The following HIP1 variants were observed in gnomAD, a reference collection of about 807,000 sequenced individuals.
The protein encoded by HIP1 is huntingtin-interacting protein 1.
A neutral mutation model predicts 147.6 loss-of-function variants in HIP1; 65 were observed. The observed-to-expected ratio is 0.44, with a 90% CI of 0.36 to 0.54. The LOEUF (loss-of-function observed/expected upper bound fraction) is 0.54. Among genes scored for constraint, HIP1 ranks in the 20% least tolerant of loss-of-function variants. HIP1 has a pLI of 0.00. For synonymous variants in HIP1, 479 were observed against 504.0 expected (o/e 0.95, Z 0.67); for missense variants, 1,061 against 1,299.6 (o/e 0.82, Z 2.82).
chr7:75,573,246 C>T (rs953986131), intron 8 of HIP1, among the ~76,000 whole-genome samples: 10 of 152,110 alleles, frequency 6.6e-5, no homozygotes, highest in African/African-American at 2.4e-4. Flanking sequence ...GCTTCAGAGA[C>T]CTGCAGAGAT....
Position 75,553,447 on chromosome 7 carries a change from A to C in HIP1, c.2295+6T>G. 6.2e-7 allele frequency: 1 copy of C among 1,613,624 alleles called. No homozygotes were observed. The highest frequency in any genetic ancestry group is 1.7e-5 in the Admixed American group (1 of 60,006). On this transcript the variant is annotated splice_donor_region_variant and intron_variant, in intron 22 of 30. Coordinates refer to ENST00000336926, the MANE Select transcript of HIP1 (RefSeq NM_005338.7). ...CAATGCTCCTCAATGATACTACTCC[A>C]AGTACCTCGCCGATGGCCTTGATCT... is the stretch of plus-strand genomic sequence containing the variant.
intron 1 of HIP1, among the ~76,000 whole-genome samples, chr7:75,684,413 A>C (rs543050842): frequency 1.4e-5 from 2 of 143,222 alleles, no homozygotes; most frequent in East Asian, 4.1e-4. Flanking sequence ...GCATCACTGC[A>C]CTCCAGCCTG....
intron 1 of HIP1, among the ~76,000 whole-genome samples, chr7:75,734,799 T>C (rs4728351): frequency 0.7 from 106,992 of 152,100 alleles, 38,311 homozygotes; most frequent in African/African-American, 0.83. Context: ...TATGTTCTTC[T>C]GTCACTGGAA....
At chr7:75,670,716 C>A (rs1554515191) in intron 1 of HIP1, among the ~76,000 whole-genome samples, 1 of 151,628 alleles carries the variant, frequency 6.6e-6, no homozygotes, top group African/African-American at 2.4e-5. Context: ...TGGGCTCAAG[C>A]AATCTTCCCA....
At chr7:75,624,451 A>T (rs190450223) in intron 1 of HIP1, among the ~76,000 whole-genome samples, 1 of 152,124 alleles carries the variant, frequency 6.6e-6, no homozygotes, top group African/African-American at 2.4e-5. Flanking sequence ...AAAAAGAGCT[A>T]TGAGATTCAG....
chr7:75,607,159 A>C (rs1230689318), intron 1 of HIP1, among the ~76,000 whole-genome samples: 1 of 151,470 alleles, frequency 6.6e-6, no homozygotes, highest in East Asian at 1.9e-4. Flanking sequence ...ACTTGAGGCC[A>C]GGAGTTTCAG....
At chr7:75,725,824 A>ACTT in intron 1 of HIP1, among the ~76,000 whole-genome samples, 1 of 136,536 alleles carries the variant, frequency 7.3e-6, no homozygotes, top group Admixed American at 7.7e-5. Context: ...TGTGCTATGC[A>ACTT]TTTTTTTTTT....
At chr7:75,595,238 T>TCC (rs1584853646) in intron 2 of HIP1, among the ~76,000 whole-genome samples, 96 of 116,294 alleles carry the variant, frequency 8.3e-4, no homozygotes, top group East Asian at 3.2e-3. Context: ...CTTTCTTTCT[T>TCC]TCTTTCTTTC....
intron 5 of HIP1, among the ~76,000 whole-genome samples, chr7:75,583,418 T>C (rs894844786): frequency 6.6e-6 from 1 of 152,130 alleles, no homozygotes; most frequent in African/African-American, 2.4e-5. Context: ...CGGGCAGTTA[T>C]AACAAGATAC....
intron 1 of HIP1, among the ~76,000 whole-genome samples, chr7:75,637,003 AG>A (rs2117145607): frequency 6.6e-6 from 1 of 152,194 alleles, no homozygotes; most frequent in South Asian, 2.1e-4. Context: ...CCAACCTCCA[AG>A]GGCCAACTGA....
Position 75,611,844 on chromosome 7 carries a change from C to T in HIP1, c.121-12597G>A, listed in dbSNP as rs1039108801. 9.8e-6 allele frequency: 10 copies of T among 1,024,864 alleles called. No homozygotes were observed. In the African/African-American group the frequency reaches 1.4e-4, roughly 14 times the overall value. The allele number at this position is 1,024,864 out of a possible 1,614,324, so 63.5% of individuals were successfully genotyped here. ...CGGCTGGTTCCGGAGAGCCAATTAC[C>T]AGCAGGCACCGCAGGAAGGGCGCCT... On this transcript the variant is annotated intron_variant, in intron 1 of 30. Transcript: ENST00000336926.
In HIP1 at chr7:75,689,303, C is replaced by T. The variant is rs140576963; in HGVS notation, c.120+49498G>A. Among the ~76,000 whole-genome samples, 818 of 152,158 alleles carry T rather than the reference C, an allele frequency of 5.4e-3. 12 individuals are homozygous for T. Among genetic ancestry groups the T allele is most frequent in the African/African-American group, 0.018 (758 of 41,512 alleles). On this transcript the variant is annotated intron_variant, in intron 1 of 30. Coordinates refer to ENST00000336926, the MANE Select transcript of HIP1 (RefSeq NM_005338.7). ...GGAGGATCACTTGAGGTCAGGAATT[C>T]GAGACCCGCCTGGCCAACATGGTGA... is the stretch of plus-strand genomic sequence containing the variant.
chr7:75,563,097 CA>C lies in HIP1; in HGVS notation c.880-23del, dbSNP rs782199330. On this transcript the variant is annotated intron_variant, in intron 10 of 30. Transcript: ENST00000336926. Reference sequence around the variant, plus strand: ...GGTTCTGAAGACGGAGACACATCCTCAAATAGTGCTTGCTTGCCAGGCCCCG... The same window carrying C: ...GGTTCTGAAGACGGAGACACATCCTCAATAGTGCTTGCTTGCCAGGCCCCG... 1.9e-5 allele frequency: 30 copies of C among 1,614,018 alleles called. 1 individual carries two copies. The highest frequency in any genetic ancestry group is 1.6e-4 in the Middle Eastern group (1 of 6,084).
rs557022064 is a variant in HIP1, at chr7:75,720,133, G to A, written c.120+18668C>T. ...TTTATGCACTGGCTACAGGTTTCAA[G>A]TTTTTTGTTTTGTTTTGTTTTTGTT... On this transcript the variant is annotated intron_variant, in intron 1 of 30. Coordinates refer to ENST00000336926, the MANE Select transcript of HIP1 (RefSeq NM_005338.7). Among the ~76,000 whole-genome samples, 182 of 151,976 alleles carry A rather than the reference G, an allele frequency of 1.2e-3. 7 individuals carry two copies. In the South Asian group the frequency reaches 0.037, roughly 31 times the overall value.
At chr7:75,710,595 C>G (rs993119435) in intron 1 of HIP1, among the ~76,000 whole-genome samples, 1 of 152,002 alleles carries the variant, frequency 6.6e-6, no homozygotes, top group Admixed American at 6.6e-5. Context: ...TAGTTCTAAA[C>G]GATCTTGTAA....
chr7:75,547,595 C>A (rs1314816630), intron 24 of HIP1, among the ~76,000 whole-genome samples, 160 bp downstream of exon 24: 2 of 152,086 alleles, frequency 1.3e-5, no homozygotes, highest in African/African-American at 4.8e-5. Flanking sequence ...AGCAATATTG[C>A]TGTCATCATT....
chr7:75,556,220 T>C, intron 17 of HIP1, 51 bp from the exon 18 acceptor site: 1 of 1,593,312 alleles, frequency 6.3e-7, no homozygotes, highest in Non-Finnish European at 8.5e-7. Flanking sequence ...AGTTAAACAG[T>C]CCCTACTTCC....
In HIP1 at chr7:75,719,436, G is replaced by A. The variant is rs1016033000; in HGVS notation, c.120+19365C>T. ...GGAGAATGGCGGGAACCCGGAAGGT[G>A]GAGTTTGTAGTGAACCGAGATCATG... On this transcript the variant is annotated intron_variant, in intron 1 of 30. Coordinates refer to ENST00000336926, the MANE Select transcript of HIP1 (RefSeq NM_005338.7). Among the ~76,000 whole-genome samples the A allele has an allele frequency of 1.7e-4, 26 of 151,842 alleles. 1 individual carries two copies. In the South Asian group the frequency reaches 5.4e-3, roughly 32 times the overall value.
chr7:75,698,626 T>C (rs1800711970), intron 1 of HIP1, among the ~76,000 whole-genome samples: 1 of 152,050 alleles, frequency 6.6e-6, no homozygotes, highest in Non-Finnish European at 1.5e-5. Flanking sequence ...GAGGCCAGCC[T>C]GGGCAACATA....
Sources: allele counts gnomAD v4.1 joint callset (sites outside exome capture counted in the v4.1 genomes callset), GRCh38; gene constraint gnomAD v4.1.1; transcripts MANE v1.5; gene names NCBI Gene and HGNC (gene_info 2026-07-23, HGNC 2026-07-21).